The following IGSF5 variants were observed in gnomAD, a reference collection of about 807,000 sequenced individuals.
IGSF5 encodes the protein immunoglobulin superfamily 5 like.
Under a neutral mutation model 39.4 loss-of-function variants are expected in IGSF5, and 41 were observed. The observed-to-expected ratio is 1.04, with a 90% CI of 0.81 to 1.35. The LOEUF is 1.35. Ranked by LOEUF, IGSF5 falls within the 40% of genes most tolerant of loss-of-function variation. IGSF5 has a pLI of 0.00. For synonymous variants in IGSF5, 183 were observed against 175.3 expected, an observed-to-expected ratio of 1.04 and a Z score of -0.34; for missense variants, 487 against 494.6, an observed-to-expected ratio of 0.98 and a Z score of 0.15.
In IGSF5 at chr21:39,747,339, C is replaced by T. The variant is rs1355641090; in HGVS notation, c.100+1041C>T. 2.0e-5 allele frequency among the ~76,000 whole-genome samples: 3 copies of T among 152,216 alleles called. No individual in the cohort carries two copies. The East Asian group carries it at 5.8e-4, about 29-fold the overall frequency. Reference sequence around the variant, plus strand: ...GAAACTGCCGCCATGATTCAGTTATCTCCCACCAAGTCCCTCCCACAACAG... The same window carrying T: ...GAAACTGCCGCCATGATTCAGTTATTTCCCACCAAGTCCCTCCCACAACAG... On this transcript the variant is annotated intron_variant, in intron 2 of 8. Coordinates refer to ENST00000380588, the MANE Select transcript of IGSF5 (RefSeq NM_001080444.2).
At chr21:39,742,220 T>C (rs1470278710), upstream of IGSF5, among the ~76,000 whole-genome samples, 2 of 152,054 alleles carry the variant, frequency 1.3e-5, no homozygotes, top group Admixed American at 6.6e-5. Flanking sequence ...CTGCTTTTAC[T>C]AGAATCTCTC....
intron 4 of IGSF5, among the ~76,000 whole-genome samples, chr21:39,778,640 T>A (rs79311460): frequency 0.013 from 1,905 of 152,276 alleles, 36 homozygotes; most frequent in African/African-American, 0.044. Context: ...AATATTCTGG[T>A]TTCCTCTGGG....
At chr21:39,734,505 A>C in the IGSF5 span, among the ~76,000 whole-genome samples, 2 of 151,282 alleles carry the variant, frequency 1.3e-5, no homozygotes, top group African/African-American at 4.9e-5. Flanking sequence ...CATACAGAAT[A>C]GTTTTGTTGC....
intron 2 of IGSF5, among the ~76,000 whole-genome samples, chr21:39,747,968 A>G (rs2079984205): frequency 6.6e-6 from 1 of 152,190 alleles, no homozygotes; most frequent in East Asian, 1.9e-4. Context: ...ATTCCTGTTA[A>G]AAATGGCTTT....
chr21:39,748,472 G>A (rs1602362687), intron 2 of IGSF5, among the ~76,000 whole-genome samples: 2 of 151,690 alleles, frequency 1.3e-5, no homozygotes, highest in African/African-American at 2.4e-5. Flanking sequence ...CATCACATCC[G>A]GCTAATTTTT....
intron 2 of IGSF5, among the ~76,000 whole-genome samples, chr21:39,764,464 C>T (rs1389722258): frequency 2.6e-5 from 4 of 152,160 alleles, no homozygotes; most frequent in African/African-American, 9.7e-5. Flanking sequence ...CTCAGCCTCT[C>T]GAGTAGCTGG....
the IGSF5 span, among the ~76,000 whole-genome samples, chr21:39,713,513 T>A: frequency 6.6e-6 from 1 of 152,206 alleles, no homozygotes; most frequent in South Asian, 2.1e-4. Context: ...TTGTCTTAAC[T>A]GCCACCTGGT....
chr21:39,734,022 T>G, the IGSF5 span, among the ~76,000 whole-genome samples: 3 of 152,334 alleles, frequency 2.0e-5, no homozygotes, highest in Admixed American at 1.3e-4. Context: ...AGTCACATGC[T>G]GAGGTTCTGG....
Position 39,746,218 on chromosome 21 carries a change from G to A in IGSF5, c.20G>A (p.Ser7Asn), listed in dbSNP as rs1168229570. The A allele has an allele frequency of 1.4e-6, 1 of 701,922 alleles. No individual in the cohort carries two copies. The highest frequency in any genetic ancestry group is 2.0e-5 in the Admixed American group (1 of 50,004). 43.5% of individuals were successfully genotyped at this position (701,922 alleles called of 1,614,324 possible). Residue 7 changes from serine (S) to asparagine (N), a missense_variant and splice_region_variant, in exon 2 of 9, where the codon AGC becomes AAC. By Grantham distance (46) the Ser-to-Asn change is conservative. Coordinates refer to ENST00000380588, the MANE Select transcript of IGSF5 (RefSeq NM_001080444.2). ...CAATGGGCGCCTCACTGGATCAGGAGCACAGCAGATACTCTGCCGGATCTG... is the reference window on the plus strand; with the variant it reads ...CAATGGGCGCCTCACTGGATCAGGAACACAGCAGATACTCTGCCGGATCTG... MGQKER[S>N]TADTLPDLEE...
chr21:39,798,814 G>A (rs1001402288), intron 8 of IGSF5, among the ~76,000 whole-genome samples: 3 of 152,216 alleles, frequency 2.0e-5, no homozygotes, highest in East Asian at 3.8e-4. Context: ...ACACTGCCAC[G>A]GAGATGAGCA....
chr21:39,725,768 T>C, the IGSF5 span: 2 of 152,200 alleles, frequency 1.3e-5, no homozygotes, highest in African/African-American at 4.8e-5. Flanking sequence ...CTCATAATTA[T>C]ACGGATCTTA....
intron 5 of IGSF5, among the ~76,000 whole-genome samples, chr21:39,787,584 G>A (rs1003464513): frequency 9.4e-5 from 14 of 149,388 alleles, no homozygotes; most frequent in African/African-American, 2.9e-4. Context: ...TGGGGTGGGG[G>A]CACAACTGTA....
intron 2 of IGSF5, among the ~76,000 whole-genome samples, chr21:39,757,974 A>G (rs6517565): frequency 0.82 from 123,836 of 151,924 alleles, 50,651 homozygotes; most frequent in Admixed American, 0.86. Context: ...CGGGGGGTGG[A>G]GGTGGCGGTG....
chr21:39,766,038 C>T (rs2146280142), intron 3 of IGSF5, among the ~76,000 whole-genome samples, 186 bp downstream of exon 3: 1 of 152,284 alleles, frequency 6.6e-6, no homozygotes, highest in African/African-American at 2.4e-5. Flanking sequence ...CTCATGCTCT[C>T]CCTACCTCCT....
chr21:39,779,859 T>C (rs982498837), intron 5 of IGSF5, among the ~76,000 whole-genome samples: 2 of 152,122 alleles, frequency 1.3e-5, no homozygotes, highest in Non-Finnish European at 2.9e-5. Flanking sequence ...GCCAAGCTCA[T>C]GGAAACAGGA....
chr21:39,758,136 C>T (rs2080042129), intron 2 of IGSF5, among the ~76,000 whole-genome samples: 2 of 152,210 alleles, frequency 1.3e-5, no homozygotes, highest in Non-Finnish European at 2.9e-5. Flanking sequence ...GTAGGGATCG[C>T]CTGAGCTTGG....
At chr21:39,756,566 G>A (rs546769738) in intron 2 of IGSF5, among the ~76,000 whole-genome samples, 1 of 152,316 alleles carries the variant, frequency 6.6e-6, no homozygotes, top group South Asian at 2.1e-4. Flanking sequence ...GACTCGCAGG[G>A]CTGTGGAATG....
rs1019412354 is a variant in IGSF5 at position 39,748,774 on chromosome 21, A to AT, written c.100+2483dup. Among the ~76,000 whole-genome samples, 6 of 151,078 alleles carry AT rather than the reference A, an allele frequency of 4.0e-5. 1 individual carries two copies. In the South Asian group the frequency reaches 6.3e-4, roughly 16 times the overall value. On this transcript the variant is annotated intron_variant, in intron 2 of 8. Transcript: ENST00000380588. ...GGAAAGGAATGATTTTCACACTATA[A>AT]TTTTTTTATTTTAATGGAGTGGTTG...
At chr21:39,716,233 C>A in the IGSF5 span, among the ~76,000 whole-genome samples, 1 of 152,164 alleles carries the variant, frequency 6.6e-6, no homozygotes, top group Non-Finnish European at 1.5e-5. Context: ...CAGGTGGGGT[C>A]CAACCATAAG....
Sources: allele counts gnomAD v4.1 joint callset (sites outside exome capture counted in the v4.1 genomes callset), GRCh38; gene constraint gnomAD v4.1.1; transcripts MANE v1.5; gene names NCBI Gene and HGNC (gene_info 2026-07-23, HGNC 2026-07-21).